DST: variants seen among roughly 807,000 people sequenced by gnomAD.
DST encodes the protein dystonin, also known as bullous pemphigoid antigen.
DST carries 253 observed loss-of-function variants against 875.2 expected under a neutral mutation model. That is an observed-to-expected ratio of 0.29 (90% CI 0.26 to 0.32). DST has a LOEUF of 0.32. Among genes scored for constraint, DST ranks in the 10% least tolerant of loss-of-function variants. The pLI is 1.00. For missense variants in DST, 8,287 were observed against 9,111.6 expected (o/e 0.91, Z 3.68); for synonymous variants, 3,124 against 3,197.1 (o/e 0.98, Z 0.77).
intron 58 of DST, 65 bp downstream of exon 58, chr6:56,560,229 C>A: frequency 1.4e-6 from 2 of 1,395,736 alleles, no homozygotes; most frequent in South Asian, 3.6e-5. Flanking sequence ...TGATAAAGAT[C>A]ATGATAAACA....
At chr6:56,546,352 AT>A (rs2097221709) in intron 61 of DST, among the ~76,000 whole-genome samples, 1 of 23,926 alleles carries the variant, frequency 4.2e-5, no homozygotes, top group South Asian at 1.2e-3. Flanking sequence ...TATTTCATAT[AT>A]ATATATATAT....
chr6:56,742,274 T>C (rs1413379052), intron 4 of DST: 4 of 1,287,954 alleles, frequency 3.1e-6, no homozygotes, highest in African/African-American at 1.5e-5. Flanking sequence ...TACTAACCCA[T>C]ACAGCACATC....
At chr6:56,474,989 T>C (rs554680821) in intron 92 of DST, among the ~76,000 whole-genome samples, 42 of 125,686 alleles carry the variant, frequency 3.3e-4, no homozygotes, top group Middle Eastern at 0.01. Context: ...AAAAAAAAGA[T>C]GGCTCTTTGA....
rs1292053709 is a variant in DST, at chr6:56,646,112, A to C, written c.1625T>G (p.Ile542Ser). The change falls in exon 14 of 104, where the codon ATT becomes AGT. Residue 542 changes from isoleucine (I) to serine (S), a missense_variant. Around this residue, in one of 10 missense-constraint regions of DST, gnomAD observed 1,160 missense variants for 1,424.3 expected, o/e 0.81. Transcript: ENST00000680361. ...CTCTAATAATTTATATAGACGTTTA[A>C]TTTTTGATTTTTCTGTCTCCTTTGG... Reference protein sequence around the residue: ...IPPKETEKSKIKRLYKLLEIW... With the variant: ...IPPKETEKSKSKRLYKLLEIW... 1 of 1,545,326 alleles carries C rather than the reference A, an allele frequency of 6.5e-7. No individual in the cohort carries two copies. Among genetic ancestry groups the C allele is most frequent in the African/African-American group, 1.4e-5 (1 of 72,770 alleles).
chr6:56,839,945 A>G (rs2099798028), intron 4 of DST, among the ~76,000 whole-genome samples: 1 of 152,184 alleles, frequency 6.6e-6, no homozygotes, highest in African/African-American at 2.4e-5. Flanking sequence ...CATTCCATGC[A>G]GCTTTCATAG....
chr6:56,877,277 G>A (rs1393886910), intron 3 of DST, among the ~76,000 whole-genome samples: 1 of 152,162 alleles, frequency 6.6e-6, no homozygotes, highest in Non-Finnish European at 1.5e-5. Flanking sequence ...ATTTGGCCGG[G>A]CTCAGTGGCT....
Position 56,526,454 on chromosome 6 carries a change from C to T in DST, c.18036G>A (p.Met6012Ile), listed in dbSNP as rs201328789. Residue 6012 changes from methionine to isoleucine, a missense_variant, in exon 69 of 104, where the codon ATG (methionine) becomes ATA (isoleucine). Transcript: ENST00000680361. ...PWRAREGLEK[M>I]VAEDNERYRL... ...GGTAGCGCTCATTGTCCTCAGCTAC[C>T]ATTTTCTCAAGTCCTTCTCTTGCCC... 24 of 1,613,744 alleles carry T rather than the reference C, an allele frequency of 1.5e-5. No homozygotes were observed. In the African/African-American group the frequency reaches 2.0e-4, roughly 13 times the overall value.
chr6:56,811,871 GA>G (rs2099760336), intron 4 of DST, among the ~76,000 whole-genome samples: 1 of 151,850 alleles, frequency 6.6e-6, no homozygotes, highest in South Asian at 2.1e-4. Flanking sequence ...AAGGCAGGTA[GA>G]TCACTTGAGG....
chr6:56,902,472 G>A (rs1794565948), intron 2 of DST, among the ~76,000 whole-genome samples: 1 of 152,234 alleles, frequency 6.6e-6, no homozygotes, highest in Non-Finnish European at 1.5e-5. Context: ...CAATTATGGA[G>A]AGCCTGTACA....
Position 56,607,363 on chromosome 6 carries a change from G to T in DST, c.7265C>A (p.Thr2422Lys). Reference protein sequence around the residue: ...GVNETENEDNTNRDSPIFDYS... With the variant: ...GVNETENEDNKNRDSPIFDYS... ...GTCAAAGATAGGTGAATCCCTGTTT[G>T]TATTATCTTCATTCTCTGTTTCATT... The change falls in exon 40 of 104, where the codon ACA becomes AAA. Residue 2422 changes from threonine (T) to lysine (K), a missense_variant. By Grantham distance (78) the Thr-to-Lys change is moderately conservative. Coordinates refer to ENST00000680361, the MANE Select transcript of DST (RefSeq NM_001374736.1). 1 of 1,612,832 alleles carries T rather than the reference G, an allele frequency of 6.2e-7. No individual in the cohort carries two copies. Among genetic ancestry groups the T allele is most frequent in the East Asian group, 2.2e-5 (1 of 44,852 alleles).
chr6:56,709,374 GCTTAA>G (rs1440747983), intron 5 of DST, among the ~76,000 whole-genome samples: 2 of 152,116 alleles, frequency 1.3e-5, no homozygotes, highest in African/African-American at 4.8e-5. Context: ...TACCTAAATG[GCTTAA>G]CTTATCAAAA....
Position 56,607,730 on chromosome 6 carries a change from T to C in DST, c.6898A>G (p.Ile2300Val). The C allele has an allele frequency of 6.2e-7, 1 of 1,613,512 alleles. No individual in the cohort carries two copies. Among genetic ancestry groups the C allele is most frequent in the South Asian group, 1.1e-5 (1 of 91,064 alleles). ...CTCATTTCATTAAATTCTTCATCTATAGCACACTTTCTATTTTCAGGAGTC... is the reference window on the plus strand; with the variant it reads ...CTCATTTCATTAAATTCTTCATCTACAGCACACTTTCTATTTTCAGGAGTC... ...EETPENRKCA[I>V]DEEFNEMRNT... The change falls in exon 40 of 104, where the codon ATA becomes GTA. Residue 2300 changes from isoleucine (I) to valine (V), a missense_variant. Coordinates refer to ENST00000680361, the MANE Select transcript of DST (RefSeq NM_001374736.1).
chr6:56,610,379 C>G, intron 39 of DST, 48 bp downstream of exon 39: 1 of 1,420,524 alleles, frequency 7.0e-7, no homozygotes, highest in South Asian at 1.4e-5. Context: ...GCCATGCAAT[C>G]AAACTAAGCT....
intron 50 of DST, among the ~76,000 whole-genome samples, chr6:56,576,782 C>A (rs557671596): frequency 7.9e-5 from 12 of 152,244 alleles, no homozygotes; most frequent in African/African-American, 2.9e-4. Flanking sequence ...TCTCTACCAG[C>A]AAGATAGTGG....
chr6:56,598,464 T>C lies in DST; in HGVS notation c.11928+12A>G, dbSNP rs1336512893. 6.6e-7 allele frequency: 1 copy of C among 1,512,460 alleles called. No individual in the cohort carries two copies. The allele number at this position is 1,512,460 out of a possible 1,614,324, so 93.7% of individuals were successfully genotyped here. ...GACATAGCAATAGTGCACCACATAT[T>C]TGAATAAGGACCTTTTCAGTTTCTT... is the stretch of plus-strand genomic sequence containing the variant. On this transcript the variant is annotated intron_variant, in intron 46 of 103. Transcript: ENST00000680361.
chr6:56,921,209 A>ATATAGGT (rs1395750641), intron 2 of DST, among the ~76,000 whole-genome samples: 66 of 152,304 alleles, frequency 4.3e-4, no homozygotes, highest in African/African-American at 1.4e-3. Flanking sequence ...CTCCCAAAGA[A>ATATAGGT]TATAGGTTTA....
intron 2 of DST, among the ~76,000 whole-genome samples, chr6:56,903,709 C>T (rs1795127956): frequency 6.6e-6 from 1 of 152,178 alleles, no homozygotes; most frequent in Non-Finnish European, 1.5e-5. Context: ...CTGCCCAGCT[C>T]AGCTTCCCAA....
chr6:56,463,661 T>C lies in DST; in HGVS notation c.22863A>G (p.Pro7621=), dbSNP rs1428255507. The C allele has an allele frequency of 1.9e-6, 3 of 1,614,018 alleles. No individual in the cohort carries two copies. The highest frequency in any genetic ancestry group is 2.5e-6 in the Non-Finnish European group (3 of 1,179,904). ...AFRPRGRRSR[P]SSRGASPNRS... is the part of the protein sequence containing the mutation. ...TGTTGGGTGAAGCGCCTCGTGATGATGGCCGGGATCTTCGGCCTCGGGGTC... is the reference window on the plus strand; with the variant it reads ...TGTTGGGTGAAGCGCCTCGTGATGACGGCCGGGATCTTCGGCCTCGGGGTC... The change falls in exon 101 of 104, where the codon CCA becomes CCG. Residue 7621 remains proline (P), a synonymous_variant. Transcript: ENST00000680361.
rs550302387 is a variant in DST at position 56,555,158 on chromosome 6, C to T, written c.15136+187G>A. ...AACAGATTATGTGTGTAGAATGACC[C>T]TAACATTCCATGTGCCTATGAACAC... On this transcript the variant is annotated intron_variant, in intron 60 of 103. Coordinates refer to ENST00000680361, the MANE Select transcript of DST (RefSeq NM_001374736.1). 3.2e-4 allele frequency among the ~76,000 whole-genome samples: 48 copies of T among 152,252 alleles called. No homozygotes were observed. The South Asian group carries it at 6.6e-3, about 21-fold the overall frequency.
Sources: gnomAD v4.1 joint callset for allele counts (sites outside exome capture counted in the v4.1 genomes callset) on GRCh38, gnomAD v4.1.1 for gene constraint, gnomAD v4.1.1 regional missense constraint, MANE v1.5 for transcripts, NCBI Gene and HGNC (gene_info 2026-07-23, HGNC 2026-07-21) for gene names.